The following VWA2 variants were observed in gnomAD, a reference collection of about 807,000 sequenced individuals.
The protein encoded by VWA2 is von Willebrand factor A domain-containing protein 2.
A neutral mutation model predicts 70.4 loss-of-function variants in VWA2; 73 were observed. The ratio of observed to expected loss-of-function variants is 1.04; its 90% CI spans 0.86 to 1.26. The LOEUF (loss-of-function observed/expected upper bound fraction) is 1.26, where lower values mean the gene tolerates loss of function less well. VWA2 is among the 50% of genes most tolerant of loss of function. VWA2 has a pLI of 0.00. For missense variants in VWA2, 1,011 were observed against 998.5 expected (o/e 1.01, Z -0.17); for synonymous variants, 407 against 423.3 (o/e 0.96, Z 0.47).
At chr10:114,280,203 A>G (rs184092644) in intron 8 of VWA2, among the ~76,000 whole-genome samples, 44 of 152,142 alleles carry the variant, frequency 2.9e-4, no homozygotes, top group Middle Eastern at 3.4e-3. Context: ...AGCATTTGGG[A>G]GCTCTTCACC....
chr10:114,288,960 C>A lies in VWA2; in HGVS notation c.1593C>A (p.Asp531Glu). The part of the protein sequence containing the change: ...QRPGCRTQAL[D>E]LVFMLDTSAS... Reference sequence around the variant, plus strand: ...CAGGGTGCCGGACACAAGCCCTGGACCTCGTCTTCATGTTGGACACCTCTG... The same window carrying A: ...CAGGGTGCCGGACACAAGCCCTGGAACTCGTCTTCATGTTGGACACCTCTG... The change falls in exon 12 of 14, where the codon GAC (aspartate) becomes GAA (glutamate). Residue 531 changes from aspartate to glutamate, a missense_variant. Asp to Glu is a conservative substitution (Grantham distance 45). Coordinates refer to ENST00000392982, the MANE Select transcript of VWA2 (RefSeq NM_001272046.2). 1 of 1,611,614 alleles carries A rather than the reference C, an allele frequency of 6.2e-7. No homozygotes were observed. The highest frequency in any genetic ancestry group is 1.1e-5 in the South Asian group (1 of 90,624).
At chr10:114,244,642 A>AAT (rs397746790) in intron 1 of VWA2, among the ~76,000 whole-genome samples, 1 of 151,780 alleles carries the variant, frequency 6.6e-6, no homozygotes, top group Non-Finnish European at 1.5e-5. Context: ...TTAAAAAAAA[A>AAT]GCTTTCCAGG....
At chr10:114,283,311 A>G (rs2038421804) in intron 9 of VWA2, among the ~76,000 whole-genome samples, 1 of 142,334 alleles carries the variant, frequency 7.0e-6, no homozygotes. Context: ...GCAGTTAGAC[A>G]CACAGGCAGG....
intron 5 of VWA2, among the ~76,000 whole-genome samples, chr10:114,261,598 TAGG>T (rs2037446330): frequency 2.6e-5 from 4 of 152,186 alleles, no homozygotes; most frequent in Admixed American, 2.6e-4. Flanking sequence ...CCTGGAGGAA[TAGG>T]AGGAACACTG....
Position 114,253,682 on chromosome 10 carries a change from T to C in VWA2, c.84T>C (p.His28=). The C allele has an allele frequency of 1.2e-6, 2 of 1,612,386 alleles. No individual in the cohort carries two copies. Among genetic ancestry groups the C allele is most frequent in the Non-Finnish European group, 1.7e-6 (2 of 1,179,774 alleles). The stretch of plus-strand genomic sequence containing the variant: ...CATCTCTCCCTCTCCAGGAAGTCCA[T>C]GTAAGCAAAGAAACCATCGGGAAGA... ...VPPSLPLQEV[H]VSKETIGKIS... Residue 28 remains histidine (H), a synonymous_variant, in exon 3 of 14, where the codon CAT becomes CAC. Coordinates refer to ENST00000392982, the MANE Select transcript of VWA2 (RefSeq NM_001272046.2).
At chr10:114,268,902 A>G (rs1373917469) in intron 5 of VWA2, among the ~76,000 whole-genome samples, 1 of 152,124 alleles carries the variant, frequency 6.6e-6, no homozygotes. Context: ...TTACCATGTT[A>G]GCCAGGATGG....
At chr10:114,280,308 A>G (rs1234398939) in intron 8 of VWA2, among the ~76,000 whole-genome samples, 1 of 152,224 alleles carries the variant, frequency 6.6e-6, no homozygotes, top group Non-Finnish European at 1.5e-5. Flanking sequence ...TCAGAAACAC[A>G]TCTACCCTCA....
Position 114,278,048 on chromosome 10 carries a change from G to A in VWA2, c.700+1G>A. ...GCCATCTGCTCCAGCGCCACGCCAG[G>A]TAAGATCTTCCAGCCTGGAGGGAGT... is the stretch of plus-strand genomic sequence containing the variant. On this transcript the variant is annotated splice_donor_variant, in intron 7 of 13. Transcript: ENST00000392982. LOFTEE classifies it high-confidence loss of function. The A allele has an allele frequency of 6.2e-7, 1 of 1,609,146 alleles. No individual in the cohort carries two copies. The highest frequency in any genetic ancestry group is 8.5e-7 in the Non-Finnish European group (1 of 1,176,330).
rs1186561728 is a variant in VWA2, at chr10:114,286,079, G to A, written c.1138G>A (p.Ala380Thr). Residue 380 changes from alanine (A) to threonine (T), a missense_variant, in exon 11 of 14, where the codon GCC (alanine) becomes ACC (threonine). Transcript: ENST00000392982. Reference protein sequence around the residue: ...VRAVLSEDSRARVGVATYSRE... With the variant: ...VRAVLSEDSRTRVGVATYSRE... Reference sequence around the variant, plus strand: ...GGCCGTGCTGAGCGAGGACTCTCGGGCCCGAGTGGGTGTGGCCACATACAG... The same window carrying A: ...GGCCGTGCTGAGCGAGGACTCTCGGACCCGAGTGGGTGTGGCCACATACAG... The A allele has an allele frequency of 1.2e-6, 2 of 1,614,018 alleles. No individual in the cohort carries two copies. Among genetic ancestry groups the A allele is most frequent in the African/African-American group, 1.3e-5 (1 of 74,946 alleles).
intron 6 of VWA2, 58 bp downstream of exon 6, chr10:114,272,992 A>G: frequency 6.7e-7 from 1 of 1,489,700 alleles, no homozygotes; most frequent in Non-Finnish European, 9.1e-7. Flanking sequence ...GGATCGTGAC[A>G]TGGCCATGGG....
At chr10:114,280,181 C>T (rs1269004506) in intron 8 of VWA2, among the ~76,000 whole-genome samples, 1 of 152,164 alleles carries the variant, frequency 6.6e-6, no homozygotes. Context: ...ATATTGCAGG[C>T]TCCTAGAATG....
intron 2 of VWA2, among the ~76,000 whole-genome samples, chr10:114,252,896 G>A (rs940915161): frequency 6.6e-6 from 1 of 151,898 alleles, no homozygotes; most frequent in Non-Finnish European, 1.5e-5. Context: ...ACTGCACCCG[G>A]CCTGCTTGTG....
chr10:114,293,605 T>G lies in VWA2; in HGVS notation c.*2368T>G, dbSNP rs1221386261. On this transcript the variant is annotated 3_prime_UTR_variant, in exon 14 of 14. Coordinates refer to ENST00000392982, the MANE Select transcript of VWA2 (RefSeq NM_001272046.2). ...CTTTTTTCTTTCATTTAAAAGAAATTAGCTTTAATTTTTACCTTTAATTAC... is the reference window on the plus strand; with the variant it reads ...CTTTTTTCTTTCATTTAAAAGAAATGAGCTTTAATTTTTACCTTTAATTAC... Among the ~76,000 whole-genome samples the G allele has an allele frequency of 6.6e-6, 1 of 152,220 alleles. No individual in the cohort carries two copies. The highest frequency in any genetic ancestry group is 1.9e-4 in the East Asian group (1 of 5,206).
chr10:114,248,441 C>T (rs765644961), intron 1 of VWA2, among the ~76,000 whole-genome samples: 2 of 152,138 alleles, frequency 1.3e-5, no homozygotes, highest in African/African-American at 4.8e-5. Flanking sequence ...TCCCAGGGCC[C>T]GTGGAGGGCT....
chr10:114,253,769 C>G, intron 3 of VWA2, 44 bp downstream of exon 3: 2 of 1,541,968 alleles, frequency 1.3e-6, no homozygotes, highest in Non-Finnish European at 1.8e-6. Flanking sequence ...CCACTCAGAC[C>G]TCTGTGTGAT....
At chr10:114,248,801 C>A (rs757968328) in intron 2 of VWA2, 36 bp downstream of exon 2, 4 of 1,591,456 alleles carry the variant, frequency 2.5e-6, no homozygotes, top group African/African-American at 2.7e-5. Flanking sequence ...GAAGTACTGG[C>A]GTGTTGAGTA....
In VWA2 at chr10:114,284,934, C is replaced by A. The variant is rs1449401667; in HGVS notation, c.961C>A (p.Leu321Ile). 1.2e-6 allele frequency: 2 copies of A among 1,605,446 alleles called. No individual in the cohort carries two copies. The highest frequency in any genetic ancestry group is 1.7e-6 in the Non-Finnish European group (2 of 1,176,854). The change falls in exon 10 of 14, where the codon CTC becomes ATC. Residue 321 changes from leucine to isoleucine, a missense_variant. Leu to Ile is a conservative substitution (Grantham distance 5). Coordinates refer to ENST00000392982, the MANE Select transcript of VWA2 (RefSeq NM_001272046.2). ...AGAAGGACTGGACGGCTACCAGTGC[C>A]TCTGCCCGCTGGCCTTTGGAGGGGA... ...VPEGLDGYQC[L>I]CPLAFGGEAN...
At chr10:114,248,674 T>C (rs369429302) in intron 1 of VWA2, 30 bp from the exon 2 acceptor site, 41 of 1,595,894 alleles carry the variant, frequency 2.6e-5, no homozygotes, top group Middle Eastern at 3.3e-4. Context: ...TAATTGCTGA[T>C]ACTTTCTTTC....
At chr10:114,278,179 C>A (rs2037896163) in intron 7 of VWA2, 132 bp downstream of exon 7, 2 of 1,302,796 alleles carry the variant, frequency 1.5e-6, no homozygotes, top group East Asian at 5.0e-5. Context: ...CCGGCAGCCT[C>A]CACCCTGGAT....
Sources: gnomAD v4.1 joint callset for allele counts (sites outside exome capture counted in the v4.1 genomes callset) on GRCh38, gnomAD v4.1.1 for gene constraint, MANE v1.5 for transcripts, NCBI Gene and HGNC (gene_info 2026-07-23, HGNC 2026-07-21) for gene names.